Variants in ANKFN1 observed in about 807,000 individuals in gnomAD.
ANKFN1 encodes ankyrin repeat and fibronectin type-III domain-containing protein 1.
A neutral mutation model predicts 108.7 loss-of-function variants in ANKFN1; 74 were observed. The observed-to-expected ratio is 0.68, with a 90% CI of 0.56 to 0.83. The LOEUF is 0.83. ANKFN1 is among the 40% of genes least tolerant of loss of function. The pLI, the probability that ANKFN1 is intolerant of heterozygous loss-of-function variation, is 0.00. For synonymous variants in ANKFN1, 547 were observed against 516.2 expected, an observed-to-expected ratio of 1.06 and a Z score of -0.81; for missense variants, 1,505 against 1,382.3, an observed-to-expected ratio of 1.09 and a Z score of -1.41.
chr17:56,356,268 C>G (rs760606098), intron 6 of ANKFN1, among the ~76,000 whole-genome samples: 3 of 152,076 alleles, frequency 2.0e-5, no homozygotes, highest in Non-Finnish European at 4.4e-5. Flanking sequence ...ACTCACATTC[C>G]CCTTAGTGAA....
At chr17:56,356,904 C>A (rs184008342) in intron 6 of ANKFN1, among the ~76,000 whole-genome samples, 1 of 152,144 alleles carries the variant, frequency 6.6e-6, no homozygotes, top group South Asian at 2.1e-4. Flanking sequence ...CACTTACCTG[C>A]GACACTACAA....
At chr17:56,171,997 C>CAAT (rs1446743346) in intron 1 of ANKFN1, among the ~76,000 whole-genome samples, 1 of 149,382 alleles carries the variant, frequency 6.7e-6, no homozygotes, top group African/African-American at 2.5e-5. Flanking sequence ...TTATCAGGAA[C>CAAT]AATAATAATA....
rs929582434 is a variant in ANKFN1 at position 56,108,323 on chromosome 17, G to A, written c.288+61998G>A. Among the ~76,000 whole-genome samples the A allele has an allele frequency of 6.6e-5, 10 of 152,202 alleles. No homozygotes were observed. In the East Asian group the frequency reaches 1.2e-3, roughly 18 times the overall value. ...TGCTGGGATTACAGGTGTGAGCCAC[G>A]GCGCCTGGCCTCCCATAGCACTTTC... On this transcript the variant is annotated intron_variant, in intron 4 of 12. Transcript: ENST00000635860.
intron 4 of ANKFN1, among the ~76,000 whole-genome samples, chr17:56,078,864 C>T (rs771629532): frequency 7.7e-4 from 118 of 152,292 alleles, no homozygotes; most frequent in Non-Finnish European, 1.4e-3. Context: ...GAGTAAAGCA[C>T]AGTTGGTGAG....
At chr17:56,241,850 T>C (rs1181662121) in intron 3 of ANKFN1, among the ~76,000 whole-genome samples, 3 of 152,010 alleles carry the variant, frequency 2.0e-5, no homozygotes, top group Non-Finnish European at 4.4e-5. Flanking sequence ...CCATGGATAC[T>C]CAGACAATGA....
At chr17:56,436,754 C>T (rs994746427) in intron 8 of ANKFN1, among the ~76,000 whole-genome samples, 1 of 150,142 alleles carries the variant, frequency 6.7e-6, no homozygotes, top group East Asian at 2.0e-4. Context: ...CACTTGTACC[C>T]GGGAGGCGGA....
chr17:56,466,328 A>G, intron 14 of ANKFN1, 28 bp from the exon 15 acceptor site: 2 of 1,595,730 alleles, frequency 1.3e-6, no homozygotes, highest in East Asian at 2.2e-5. Context: ...AATACCCTCT[A>G]TGCTACCGGT....
At chr17:56,232,963 A>G (rs998604932) in intron 3 of ANKFN1, among the ~76,000 whole-genome samples, 2 of 152,114 alleles carry the variant, frequency 1.3e-5, no homozygotes, top group African/African-American at 4.8e-5. Flanking sequence ...ATCTTGCTAG[A>G]CTTTACTGGT....
chr17:56,232,480 A>C (rs780740826), intron 3 of ANKFN1, among the ~76,000 whole-genome samples: 12 of 152,190 alleles, frequency 7.9e-5, no homozygotes, highest in Non-Finnish European at 1.8e-4. Context: ...GTATCTTTGC[A>C]CTTGGTTTTG....
At chr17:56,285,229 T>A (rs2044184891) in intron 3 of ANKFN1, among the ~76,000 whole-genome samples, 1 of 152,058 alleles carries the variant, frequency 6.6e-6, no homozygotes, top group Admixed American at 6.6e-5. Context: ...GCAGACAAAC[T>A]CCTAGTCTCT....
intron 1 of ANKFN1, among the ~76,000 whole-genome samples, chr17:56,164,325 G>T (rs1909953749): frequency 6.6e-6 from 1 of 152,108 alleles, no homozygotes; most frequent in Non-Finnish European, 1.5e-5. Flanking sequence ...CCTACTCCTT[G>T]GTCTCAGTCA....
chr17:56,199,007 C>T (rs537577130), intron 1 of ANKFN1, among the ~76,000 whole-genome samples: 1 of 152,322 alleles, frequency 6.6e-6, no homozygotes, highest in South Asian at 2.1e-4. Context: ...ATATATTCCA[C>T]TGAGATCTTG....
At chr17:56,368,243 C>A in intron 6 of ANKFN1, 1 of 634,760 alleles carries the variant, frequency 1.6e-6, no homozygotes, top group Non-Finnish European at 2.3e-6. Flanking sequence ...TATAAAACAC[C>A]ATGAAAACAA....
chr17:56,400,355 C>T (rs2047722556), intron 8 of ANKFN1, among the ~76,000 whole-genome samples: 1 of 152,034 alleles, frequency 6.6e-6, no homozygotes, highest in Admixed American at 6.6e-5. Flanking sequence ...AGCATTTTTT[C>T]ATATGTTTGT....
intron 3 of ANKFN1, among the ~76,000 whole-genome samples, chr17:56,244,667 G>C (rs1917830529): frequency 6.6e-6 from 1 of 152,150 alleles, no homozygotes; most frequent in South Asian, 2.1e-4. Flanking sequence ...TAAGGAATGA[G>C]CATTGCTGGT....
intron 4 of ANKFN1, among the ~76,000 whole-genome samples, chr17:56,139,730 A>C (rs771637347): frequency 2.0e-5 from 3 of 152,166 alleles, no homozygotes; most frequent in African/African-American, 7.2e-5. Flanking sequence ...CTGGCCCTTA[A>C]ATGCTGTATA....
At chr17:56,236,208 C>T (rs539606659) in intron 3 of ANKFN1, among the ~76,000 whole-genome samples, 10 of 152,078 alleles carry the variant, frequency 6.6e-5, no homozygotes, top group East Asian at 1.9e-4. Context: ...CAGGCATGTG[C>T]GACCACCCCC....
chr17:56,472,137 C>T (rs748411621), intron 15 of ANKFN1: 1 of 152,190 alleles, frequency 6.6e-6, no homozygotes, highest in Non-Finnish European at 1.5e-5. Flanking sequence ...CCGATTCAGC[C>T]TCAGCTAATT....
intron 1 of ANKFN1, among the ~76,000 whole-genome samples, chr17:56,202,147 A>C (rs901456271): frequency 3.9e-5 from 6 of 152,248 alleles, no homozygotes; most frequent in African/African-American, 1.2e-4. Flanking sequence ...TATACAACAG[A>C]GCAGCGGGAG....
Sources: allele counts gnomAD v4.1 joint callset (sites outside exome capture counted in the v4.1 genomes callset), GRCh38; gene constraint gnomAD v4.1.1; transcripts MANE v1.5; gene names NCBI Gene and HGNC (gene_info 2026-07-23, HGNC 2026-07-21).